EXT1: variants seen among roughly 807,000 people sequenced by gnomAD.
EXT1 encodes exostosin-1.
A neutral mutation model predicts 82.5 loss-of-function variants in EXT1; 20 were observed. The ratio of observed to expected loss-of-function variants is 0.24; its 90% CI spans 0.17 to 0.35. The LOEUF is 0.35. EXT1 is among the 10% of genes least tolerant of loss of function. EXT1 has a pLI of 1.00. For synonymous variants in EXT1, 348 were observed against 350.8 expected, an observed-to-expected ratio of 0.99 and a Z score of 0.09; for missense variants, 757 against 936.5, an observed-to-expected ratio of 0.81 and a Z score of 2.50.
chr8:117,903,224 A>G (rs1180905277), intron 1 of EXT1, among the ~76,000 whole-genome samples: 2 of 152,230 alleles, frequency 1.3e-5, no homozygotes, highest in Non-Finnish European at 2.9e-5. Flanking sequence ...CAAACTAAGA[A>G]GACGAAATAG....
At chr8:117,844,978 G>A (rs1006009716) in intron 1 of EXT1, among the ~76,000 whole-genome samples, 5 of 152,084 alleles carry the variant, frequency 3.3e-5, no homozygotes, top group African/African-American at 7.2e-5. Flanking sequence ...TCCTTGTGAC[G>A]CTCCTCAGTC....
intron 1 of EXT1, among the ~76,000 whole-genome samples, chr8:117,945,748 C>T (rs1225837513): frequency 6.6e-6 from 1 of 152,102 alleles, no homozygotes; most frequent in Non-Finnish European, 1.5e-5. Flanking sequence ...AATGATCTGT[C>T]CGTCTCAGCC....
intron 1 of EXT1, among the ~76,000 whole-genome samples, chr8:117,838,900 T>C (rs1812229381): frequency 6.6e-6 from 1 of 152,170 alleles, no homozygotes; most frequent in Admixed American, 6.5e-5. Context: ...TAGAAACCCC[T>C]GAGGGACTAG....
chr8:118,111,354 G>C lies in EXT1; in HGVS notation c.-308C>G. 2 of 559,322 alleles carry C rather than the reference G, an allele frequency of 3.6e-6. No individual in the cohort carries two copies. The highest frequency in any genetic ancestry group is 6.3e-6 in the Non-Finnish European group (2 of 316,140). The allele number at this position is 559,322 out of a possible 1,614,324, so 34.6% of individuals were successfully genotyped here. On this transcript the variant is annotated 5_prime_UTR_variant, in exon 1 of 11. Coordinates refer to ENST00000378204, the MANE Select transcript of EXT1 (RefSeq NM_000127.3). ...TAATTTTCTTGCATGCAACAAGACG[G>C]AGGAAAAGAAAGAGAGAGGGGAGAA...
rs529450983 is a variant in EXT1 at position 118,091,197 on chromosome 8, T to C, written c.962+18888A>G. ...CCGAGGCCTATCTTAGACAATACGA[T>C]GCAGCTCAAGTTCCATAAAGCAGGC... On this transcript the variant is annotated intron_variant, in intron 1 of 10. Transcript: ENST00000378204. Among the ~76,000 whole-genome samples, 3 of 152,298 alleles carry C rather than the reference T, an allele frequency of 2.0e-5. No individual in the cohort carries two copies. The South Asian group carries it at 6.2e-4, about 32-fold the overall frequency.
chr8:117,824,885 G>GTTTTT (rs1233021157), intron 4 of EXT1, among the ~76,000 whole-genome samples: 4 of 151,148 alleles, frequency 2.6e-5, no homozygotes, highest in Non-Finnish European at 5.9e-5. Context: ...TTTTGTTTTT[G>GTTTTT]AGACAGGGTC....
chr8:117,885,896 A>G (rs1030216597), intron 1 of EXT1, among the ~76,000 whole-genome samples: 3 of 152,202 alleles, frequency 2.0e-5, no homozygotes, highest in Middle Eastern at 3.2e-3. Context: ...TCCAGTGGAC[A>G]TTGGCCCTTT....
intron 1 of EXT1, among the ~76,000 whole-genome samples, chr8:117,868,492 C>A (rs1812812110): frequency 6.6e-6 from 1 of 152,142 alleles, no homozygotes; most frequent in African/African-American, 2.4e-5. Flanking sequence ...CATTCTGTCA[C>A]CCAAGCCAGA....
At chr8:118,028,334 A>G (rs1214572985) in intron 1 of EXT1, among the ~76,000 whole-genome samples, 1 of 152,228 alleles carries the variant, frequency 6.6e-6, no homozygotes, top group African/African-American at 2.4e-5. Flanking sequence ...GTTAATTGGA[A>G]AAACACCAGA....
At chr8:117,928,313 C>T (rs983317620) in intron 1 of EXT1, among the ~76,000 whole-genome samples, 2 of 152,156 alleles carry the variant, frequency 1.3e-5, no homozygotes, top group East Asian at 3.8e-4. Context: ...GTCTGTCTGC[C>T]CAGCCTATTA....
At chr8:118,019,812 T>C (rs545106475) in intron 1 of EXT1, among the ~76,000 whole-genome samples, 2 of 152,354 alleles carry the variant, frequency 1.3e-5, no homozygotes, top group African/African-American at 4.8e-5. Flanking sequence ...TGGTAAGTGG[T>C]GGTGGCAGAT....
chr8:117,996,148 G>A (rs1423454135), intron 1 of EXT1, among the ~76,000 whole-genome samples: 3 of 152,046 alleles, frequency 2.0e-5, no homozygotes, highest in Non-Finnish European at 4.4e-5. Context: ...CTCTTAAGAC[G>A]CTCGCCCTTG....
At chr8:118,092,222 G>A (rs1157028546) in intron 1 of EXT1, among the ~76,000 whole-genome samples, 1 of 152,122 alleles carries the variant, frequency 6.6e-6, no homozygotes, top group Non-Finnish European at 1.5e-5. Context: ...TTTTTTGTCT[G>A]TCACCCTAGG....
chr8:117,923,374 G>A (rs943726594), intron 1 of EXT1, among the ~76,000 whole-genome samples: 6 of 151,550 alleles, frequency 4.0e-5, no homozygotes, highest in South Asian at 2.1e-4. Context: ...TGGGTGGCTC[G>A]AGGAGACTGG....
chr8:118,091,886 G>T (rs1179052803), intron 1 of EXT1, among the ~76,000 whole-genome samples: 3 of 152,022 alleles, frequency 2.0e-5, no homozygotes, highest in African/African-American at 7.3e-5. Context: ...AGATCCAAAA[G>T]TTTTTCTGCA....
At chr8:118,089,642 T>A (rs1225417301) in intron 1 of EXT1, among the ~76,000 whole-genome samples, 1 of 152,232 alleles carries the variant, frequency 6.6e-6, no homozygotes, top group African/African-American at 2.4e-5. Flanking sequence ...ATCTAGATTT[T>A]AAAAAATATG....
At chr8:117,925,327 G>A (rs1813932198) in intron 1 of EXT1, among the ~76,000 whole-genome samples, 1 of 148,934 alleles carries the variant, frequency 6.7e-6, no homozygotes, top group Non-Finnish European at 1.5e-5. Context: ...ACACATAATT[G>A]TTGAAGAATG....
chr8:117,894,814 C>A (rs775323039), intron 1 of EXT1, among the ~76,000 whole-genome samples: 12 of 152,238 alleles, frequency 7.9e-5, no homozygotes, highest in Admixed American at 2.6e-4. Flanking sequence ...ATAGGCAACA[C>A]ACTCTAAATA....
chr8:117,986,187 C>CTTTTCTTTTCT (rs1815312967), intron 1 of EXT1, among the ~76,000 whole-genome samples: 1 of 63,456 alleles, frequency 1.6e-5, no homozygotes, highest in African/African-American at 7.6e-5. Flanking sequence ...CTATTCTTTT[C>CTTTTCTTTTCT]TTTTTTTTTT....
Sources: gnomAD v4.1 joint callset for allele counts (sites outside exome capture counted in the v4.1 genomes callset) on GRCh38, gnomAD v4.1.1 for gene constraint, MANE v1.5 for transcripts, NCBI Gene and HGNC (gene_info 2026-07-23, HGNC 2026-07-21) for gene names.